Variants in GAS2 observed in about 807,000 individuals in gnomAD.
GAS2 encodes growth arrest-specific protein 2.
In GAS2, 20 loss-of-function variants were observed where a neutral mutation model predicts 37.5. The ratio of observed to expected loss-of-function variants is 0.53; its 90% CI spans 0.37 to 0.77. GAS2 has a LOEUF of 0.77. GAS2 is among the 30% of genes least tolerant of loss of function. The pLI, the probability that GAS2 is intolerant of heterozygous loss-of-function variation, is 0.00. For missense variants in GAS2, 336 were observed against 373.4 expected (o/e 0.90, Z 0.82); for synonymous variants, 144 against 132.2 (o/e 1.09, Z -0.61).
intron 3 of GAS2, among the ~76,000 whole-genome samples, chr11:22,695,779 G>T (rs963950938): frequency 1.5e-4 from 23 of 152,020 alleles, no homozygotes; most frequent in African/African-American, 5.6e-4. Flanking sequence ...TTGAAATAAA[G>T]AAAAAATTTC....
intron 1 of GAS2, chr11:22,626,795 GAAAC>G (rs1346207973): frequency 3.9e-5 from 6 of 152,220 alleles, no homozygotes; most frequent in Admixed American, 6.5e-5. Context: ...AAGGGGAAGA[GAAAC>G]AAATTTAAAA....
intron 3 of GAS2, among the ~76,000 whole-genome samples, chr11:22,715,872 C>G (rs527415318): frequency 1.3e-4 from 19 of 151,962 alleles, no homozygotes; most frequent in African/African-American, 2.9e-4. Flanking sequence ...AATACCAAAA[C>G]CAGGAAAGAA....
chr11:22,741,458 TA>T lies in GAS2; in HGVS notation c.473+3700del, dbSNP rs1025584671. On this transcript the variant is annotated intron_variant, in intron 5 of 7. Coordinates refer to ENST00000454584, the MANE Select transcript of GAS2 (RefSeq NM_001143830.3). ...ATTAAGATGATCCTTATAATAGAAG[TA>T]AAAAAAAAACTTTTGATATTTTCGT... 4.6e-3 allele frequency among the ~76,000 whole-genome samples: 686 copies of T among 148,360 alleles called. 4 individuals carry two copies. The highest frequency in any genetic ancestry group is 6.9e-3 in the Middle Eastern group (2 of 290).
intron 3 of GAS2, 24 bp downstream of exon 3, chr11:22,685,813 C>G (rs780338951): frequency 9.3e-6 from 15 of 1,606,008 alleles, no homozygotes; most frequent in Non-Finnish European, 1.3e-5. Context: ...ATGCAAAAAT[C>G]ACTCTTAGGT....
intron 1 of GAS2, among the ~76,000 whole-genome samples, chr11:22,629,555 T>C (rs1219032135): frequency 6.6e-6 from 1 of 152,196 alleles, no homozygotes; most frequent in Non-Finnish European, 1.5e-5. Flanking sequence ...CCCTGATAAT[T>C]AGGGATGTTG....
intron 1 of GAS2, among the ~76,000 whole-genome samples, chr11:22,632,580 T>G (rs1244858710): frequency 6.6e-6 from 1 of 152,192 alleles, no homozygotes; most frequent in African/African-American, 2.4e-5. Flanking sequence ...GGTTTTTGTA[T>G]TTGAATATCT....
At chr11:22,794,907 C>G (rs1168219107) in intron 7 of GAS2, among the ~76,000 whole-genome samples, 4 of 152,166 alleles carry the variant, frequency 2.6e-5, no homozygotes, top group Non-Finnish European at 5.9e-5. Context: ...CCACTATTTA[C>G]TGGATCAGAG....
chr11:22,699,837 T>G (rs1164088903), intron 3 of GAS2, among the ~76,000 whole-genome samples: 1 of 152,178 alleles, frequency 6.6e-6, no homozygotes, highest in African/African-American at 2.4e-5. Flanking sequence ...GTATCATTCC[T>G]CTCAAGATTA....
At chr11:22,809,977 A>G (rs370920252) in intron 7 of GAS2, among the ~76,000 whole-genome samples, 26 of 152,234 alleles carry the variant, frequency 1.7e-4, no homozygotes, top group African/African-American at 6.0e-4. Flanking sequence ...ATAAGTTTGA[A>G]GACTTCCAGC....
chr11:22,763,428 A>C (rs1173389724), intron 7 of GAS2, among the ~76,000 whole-genome samples: 1 of 152,328 alleles, frequency 6.6e-6, no homozygotes, highest in African/African-American at 2.4e-5. Context: ...TACTGTGAGT[A>C]AAAAGTAGCA....
At chr11:22,679,824 T>C (rs1274923653) in intron 2 of GAS2, among the ~76,000 whole-genome samples, 1 of 104,938 alleles carries the variant, frequency 9.5e-6, no homozygotes, top group Non-Finnish European at 2.4e-5. Context: ...GGACTTTGAA[T>C]AAATCATCAG....
intron 3 of GAS2, among the ~76,000 whole-genome samples, chr11:22,709,953 A>G (rs1478520128): frequency 6.9e-6 from 1 of 144,872 alleles, no homozygotes; most frequent in Admixed American, 6.9e-5. Flanking sequence ...ACACGTGGGA[A>G]TTGAACAATG....
intron 7 of GAS2, among the ~76,000 whole-genome samples, chr11:22,770,097 T>C (rs1854899778): frequency 6.6e-6 from 1 of 152,030 alleles, no homozygotes; most frequent in African/African-American, 2.4e-5. Context: ...AGTTGAACAA[T>C]GAAAACATAT....
chr11:22,752,359 G>A (rs1853790004), intron 6 of GAS2, among the ~76,000 whole-genome samples: 1 of 151,778 alleles, frequency 6.6e-6, no homozygotes, highest in Admixed American at 6.6e-5. Flanking sequence ...TTTTTTTACT[G>A]AAGTGTTTTA....
intron 4 of GAS2, among the ~76,000 whole-genome samples, chr11:22,734,172 A>G (rs941929672): frequency 3.3e-5 from 5 of 151,748 alleles, no homozygotes; most frequent in African/African-American, 9.7e-5. Flanking sequence ...TACATAAATA[A>G]TTATTAAAAG....
chr11:22,674,266 G>A (rs1365358244), intron 1 of GAS2, among the ~76,000 whole-genome samples: 2 of 151,506 alleles, frequency 1.3e-5, no homozygotes, highest in African/African-American at 4.9e-5. Flanking sequence ...CAAGAGAGAA[G>A]TGTGGTAGAG....
intron 3 of GAS2, among the ~76,000 whole-genome samples, chr11:22,696,394 G>A (rs1283455228): frequency 6.6e-6 from 1 of 151,928 alleles, no homozygotes; most frequent in Non-Finnish European, 1.5e-5. Context: ...ATAGTGCCAC[G>A]ATAAACATAC....
chr11:22,798,199 G>A (rs906191278), intron 7 of GAS2, among the ~76,000 whole-genome samples: 4 of 151,998 alleles, frequency 2.6e-5, no homozygotes, highest in Admixed American at 2.0e-4. Flanking sequence ...AATAAAACCT[G>A]TAAGAACCTT....
At chr11:22,687,155 T>A (rs1466298336) in intron 3 of GAS2, among the ~76,000 whole-genome samples, 2 of 151,954 alleles carry the variant, frequency 1.3e-5, no homozygotes, top group African/African-American at 2.4e-5. Flanking sequence ...CAAAGCACCA[T>A]CTGTAAGAAA....
Sources: allele counts gnomAD v4.1 joint callset (sites outside exome capture counted in the v4.1 genomes callset), GRCh38; gene constraint gnomAD v4.1.1; transcripts MANE v1.5; gene names NCBI Gene and HGNC (gene_info 2026-07-23, HGNC 2026-07-21).